PCDHGB2: variants seen among roughly 807,000 people sequenced by gnomAD.
The protein encoded by PCDHGB2 is protocadherin gamma subfamily B, 2.
In PCDHGB2, 55 loss-of-function variants were observed where a neutral mutation model predicts 59.3. That is an observed-to-expected ratio of 0.93 (90% confidence interval 0.75 to 1.16). PCDHGB2 has a LOEUF of 1.16. Ranked by LOEUF, PCDHGB2 falls within the 50% of genes most tolerant of loss-of-function variation. The pLI is 0.00. For synonymous variants in PCDHGB2, 516 were observed against 512.0 expected (o/e 1.01, Z -0.11); for missense variants, 1,228 against 1,198.5 (o/e 1.02, Z -0.36).
chr5:141,397,359 A>T (rs372780097), intron 1 of PCDHGB2, among the ~76,000 whole-genome samples: 10 of 152,226 alleles, frequency 6.6e-5, no homozygotes, highest in African/African-American at 2.4e-4. Flanking sequence ...AGTCAGGAAG[A>T]GGAGATGTTT....
rs138881803 is a variant in PCDHGB2 at position 141,361,343 on chromosome 5, A to G, written c.1208A>G (p.Lys403Arg). Residue 403 changes from lysine (K) to arginine (R), a missense_variant, in exon 1 of 4, where the codon AAA becomes AGA. Physicochemically the swap from Lys to Arg is conservative, Grantham distance 26. This residue lies in a region of PCDHGB2 where 781 missense variants were observed against 721.6 expected (regional missense o/e 1.08). Transcript: ENST00000522605. ...AAATCTTCCTCAAAGAACTATTACA[A>G]ACTAGTGACAGACGGCGCTCTGGAC... is the stretch of plus-strand genomic sequence containing the variant. ...ILKSSSKNYYKLVTDGALDRE... is the reference protein window; with the variant it reads ...ILKSSSKNYYRLVTDGALDRE... 47 of 1,613,938 alleles carry G rather than the reference A, an allele frequency of 2.9e-5. No homozygotes were observed. In the African/African-American group the frequency reaches 6.0e-4, roughly 21 times the overall value.
rs559316235 is a variant in PCDHGB2, at chr5:141,398,652, C to T, written c.2421+36096C>T. 27 of 1,613,990 alleles carry T rather than the reference C, an allele frequency of 1.7e-5. No homozygotes were observed. The East Asian group carries it at 5.1e-4, about 31-fold the overall frequency. ...TGCAGAAGTATAAACTCTCTCTTAA[C>T]CCAAGTTTCTCATTAATAATTAAGG... On this transcript the variant is annotated intron_variant, in intron 1 of 3. Coordinates refer to ENST00000522605, the MANE Select transcript of PCDHGB2 (RefSeq NM_018923.3).
intron 1 of PCDHGB2, among the ~76,000 whole-genome samples, chr5:141,368,368 T>C (rs1463572003): frequency 6.6e-6 from 1 of 151,982 alleles, no homozygotes; most frequent in Non-Finnish European, 1.5e-5. Context: ...TATACACACA[T>C]ATATATACAC....
At chr5:141,502,191 A>G (rs2099813218) in intron 2 of PCDHGB2, among the ~76,000 whole-genome samples, 1 of 152,170 alleles carries the variant, frequency 6.6e-6, no homozygotes, top group Non-Finnish European at 1.5e-5. Flanking sequence ...TAATACAATA[A>G]TATAGAATCC....
At chr5:141,434,695 AAT>A (rs1228504579) in intron 1 of PCDHGB2, among the ~76,000 whole-genome samples, 7 of 152,212 alleles carry the variant, frequency 4.6e-5, no homozygotes, top group Non-Finnish European at 8.8e-5. Flanking sequence ...GCTGTTAATA[AAT>A]ATGTGGGTAA....
At position 141,360,387 on chromosome 5, in the gene PCDHGB2, A is replaced by AC. The variant is rs1216903112; in HGVS notation, c.253dup (p.Leu85ProfsTer4). On this transcript the variant is annotated frameshift_variant, in exon 1 of 4. Transcript: ENST00000522605. LOFTEE classifies it high-confidence loss of function. ...CAGTAAACCCAGAAAGCGGAGACTT[A>AC]CTTGTGAGTGACAGAATAGACCGAG... 1.2e-6 allele frequency: 2 copies of AC among 1,613,826 alleles called. No homozygotes were observed. Among genetic ancestry groups the AC allele is most frequent in the African/African-American group, 2.7e-5 (2 of 74,924 alleles).
At chr5:141,408,962 A>G (rs1561716536) in intron 1 of PCDHGB2, 3 of 1,613,638 alleles carry the variant, frequency 1.9e-6, no homozygotes, top group Admixed American at 3.3e-5. Flanking sequence ...TCTTAGTGAA[A>G]ATCTGCCCCC....
intron 1 of PCDHGB2, chr5:141,478,072 G>A (rs752905249): frequency 6.2e-7 from 1 of 1,614,048 alleles, no homozygotes; most frequent in Admixed American, 1.7e-5. Flanking sequence ...AAGACAATGG[G>A]GAGCCTTCGC....
Position 141,362,487 on chromosome 5 carries a change from T to A in PCDHGB2, c.2352T>A (p.Asn784Lys). The change falls in exon 1 of 4, where the codon AAT (asparagine) becomes AAA (lysine). Residue 784 changes from asparagine to lysine, a missense_variant. Physicochemically the swap from Asn to Lys is moderately conservative, Grantham distance 94. This residue lies in a region of PCDHGB2 where 433 missense variants were observed against 441.8 expected (regional missense o/e 0.98). Coordinates refer to ENST00000522605, the MANE Select transcript of PCDHGB2 (RefSeq NM_018923.3). ...CCGCGCAAGATCTCGTCTGTGACAA[T>A]GCCTCTTGGGAACAAAATACAAATC... ...LVPAQDLVCD[N>K]ASWEQNTNHG... is the part of the protein sequence containing the mutation. 6.2e-7 allele frequency: 1 copy of A among 1,614,040 alleles called. No homozygotes were observed. The highest frequency in any genetic ancestry group is 8.5e-7 in the Non-Finnish European group (1 of 1,179,894).
intron 3 of PCDHGB2, 122 bp downstream of exon 3, chr5:141,505,603 G>A (rs900982128): frequency 6.5e-7 from 1 of 1,534,594 alleles, no homozygotes; most frequent in African/African-American, 1.4e-5. Flanking sequence ...TCTTTCGGCA[G>A]GTCTGAAAGG....
intron 1 of PCDHGB2, among the ~76,000 whole-genome samples, chr5:141,452,815 A>G (rs1199990390): frequency 6.6e-6 from 1 of 152,186 alleles, no homozygotes; most frequent in Admixed American, 6.5e-5. Flanking sequence ...TTTGTTCATA[A>G]GAAGCAAAAT....
rs1342087495 is a variant in PCDHGB2 at position 141,365,076 on chromosome 5, T to C, written c.2421+2520T>C. 1.9e-6 allele frequency: 3 copies of C among 1,613,740 alleles called. No individual in the cohort carries two copies. In the African/African-American group the frequency reaches 4.0e-5, roughly 22 times the overall value. On this transcript the variant is annotated intron_variant, in intron 1 of 3. Transcript: ENST00000522605. ...CTGTTCACCCCATCCGAGTACAGCG[T>C]GAGTGTTCCAGAGAACATACCTGTG...
intron 1 of PCDHGB2, among the ~76,000 whole-genome samples, chr5:141,447,463 C>T (rs1004772636): frequency 6.6e-6 from 1 of 152,142 alleles, no homozygotes; most frequent in African/African-American, 2.4e-5. Context: ...AGTTTTTCTT[C>T]ACCATCTGTA....
chr5:141,370,155 T>C, intron 1 of PCDHGB2: 1 of 456,622 alleles, frequency 2.2e-6, no homozygotes, highest in Non-Finnish European at 3.8e-6. Flanking sequence ...TTACTGCAGT[T>C]CTGCAGCAGA....
rs57426385 is a variant in PCDHGB2, at chr5:141,415,740, G to GTTTTTTTTTTTT, written c.2421+53205_2421+53216dup. 137 of 625,016 alleles carry GTTTTTTTTTTTT rather than the reference G, an allele frequency of 2.2e-4. 2 individuals carry two copies. The highest frequency in any genetic ancestry group is 3.5e-4 in the Admixed American group (5 of 14,120). The allele number at this position is 625,016 out of a possible 1,614,324, so 38.7% of individuals were successfully genotyped here. On this transcript the variant is annotated intron_variant, in intron 1 of 3. Coordinates refer to ENST00000522605, the MANE Select transcript of PCDHGB2 (RefSeq NM_018923.3). ...TGAGTAGAATTTGATGTTTATTAAG[G>GTTTTTTTTTTTT]TTTTTTTTTTTTTTTTTTTTTTTTT... is the stretch of plus-strand genomic sequence containing the variant.
At chr5:141,418,568 G>A (rs769914679) in intron 1 of PCDHGB2, 62 of 1,613,902 alleles carry the variant, frequency 3.8e-5, no homozygotes, top group Non-Finnish European at 5.2e-5. Context: ...AGATGCCAAT[G>A]ACAACCCCCC....
At chr5:141,375,246 G>C in intron 1 of PCDHGB2, 1 of 1,613,930 alleles carries the variant, frequency 6.2e-7, no homozygotes, top group South Asian at 1.1e-5. Flanking sequence ...TCCATCCCGA[G>C]AAGTCTCCCA....
rs746696159 is a variant in PCDHGB2 at position 141,383,050 on chromosome 5, G to T, written c.2421+20494G>T. 23 of 1,613,778 alleles carry T rather than the reference G, an allele frequency of 1.4e-5. No individual in the cohort carries two copies. The Admixed American group carries it at 1.7e-4, about 12-fold the overall frequency. ...GTCCTTTGTGGGAGACATCGCCAAG[G>T]ACCTGGGGCTGGAGCCCCGGGAGCT... On this transcript the variant is annotated intron_variant, in intron 1 of 3. Transcript: ENST00000522605.
intron 1 of PCDHGB2, chr5:141,410,252 C>T (rs3749768): frequency 0.048 from 77,060 of 1,613,996 alleles, 2,017 homozygotes; most frequent in South Asian, 0.077. Flanking sequence ...ACTCTCTGAC[C>T]CCCAGGCTGA....
Sources: allele counts gnomAD v4.1 joint callset (sites outside exome capture counted in the v4.1 genomes callset), GRCh38; gene constraint gnomAD v4.1.1; regional missense constraint gnomAD v4.1.1; transcripts MANE v1.5; gene names NCBI Gene and HGNC (gene_info 2026-07-23, HGNC 2026-07-21).